Variants in NMNAT3 observed in about 807,000 individuals in gnomAD.
The protein encoded by NMNAT3 is nicotinamide nucleotide adenylyltransferase 3, also known as nicotinamide/nicotinic acid mononucleotide adenylyltransferase 3.
A neutral mutation model predicts 24.8 loss-of-function variants in NMNAT3; 21 were observed. The observed-to-expected ratio is 0.85, with a 90% CI of 0.60 to 1.22. NMNAT3 has a LOEUF of 1.22. Ranked by LOEUF, NMNAT3 falls within the 50% of genes most tolerant of loss-of-function variation. NMNAT3 has a pLI of 0.00. For synonymous variants in NMNAT3, 136 were observed against 155.2 expected (o/e 0.88, Z 0.92); for missense variants, 387 against 436.6 (o/e 0.89, Z 1.01).
At chr3:139,587,890 G>C (rs2054005243) in intron 3 of NMNAT3, among the ~76,000 whole-genome samples, 2 of 152,134 alleles carry the variant, frequency 1.3e-5, no homozygotes, top group African/African-American at 4.8e-5. Context: ...TTTTATAGAA[G>C]AAAATGGTGG....
intron 1 of NMNAT3, among the ~76,000 whole-genome samples, chr3:139,655,346 AAGCTG>A (rs2108403772): frequency 6.6e-6 from 1 of 152,340 alleles, no homozygotes; most frequent in South Asian, 2.1e-4. Context: ...TCCCCTGAAC[AAGCTG>A]AGCAGCTCTC....
chr3:139,667,702 C>G (rs1290191418), intron 1 of NMNAT3, among the ~76,000 whole-genome samples: 5 of 152,162 alleles, frequency 3.3e-5, no homozygotes, highest in African/African-American at 1.2e-4. Context: ...AGTTTTGTTT[C>G]AAGTTTCTAA....
intron 1 of NMNAT3, among the ~76,000 whole-genome samples, chr3:139,662,510 G>A (rs2057448407): frequency 6.6e-6 from 1 of 152,200 alleles, no homozygotes; most frequent in Non-Finnish European, 1.5e-5. Context: ...GGCCATGAGG[G>A]TAGGCAGTAG....
chr3:139,569,814 A>C (rs1037704649), intron 6 of NMNAT3: 3 of 152,034 alleles, frequency 2.0e-5, no homozygotes, highest in African/African-American at 4.8e-5. Flanking sequence ...TCTGACAATT[A>C]TGTGTCTTGG....
chr3:139,672,862 C>T (rs2057803240), intron 1 of NMNAT3: 1 of 152,224 alleles, frequency 6.6e-6, no homozygotes, highest in South Asian at 2.1e-4. Flanking sequence ...TCCCTGTTCT[C>T]AGTGGAAATG....
chr3:139,640,879 A>G (rs1301723492), intron 1 of NMNAT3, among the ~76,000 whole-genome samples: 1 of 152,252 alleles, frequency 6.6e-6, no homozygotes, highest in Non-Finnish European at 1.5e-5. Flanking sequence ...GCAGGGATCT[A>G]TGAAGTCAGA....
intron 1 of NMNAT3, 71 bp from the exon 2 acceptor site, chr3:139,638,133 T>C (rs994894214): frequency 2.6e-5 from 4 of 152,246 alleles, no homozygotes; most frequent in Non-Finnish European, 5.9e-5. Context: ...TCCCCATTAC[T>C]GCCTTCAAAA....
At chr3:139,588,906 C>G (rs527454983) in intron 3 of NMNAT3, among the ~76,000 whole-genome samples, 3 of 152,096 alleles carry the variant, frequency 2.0e-5, no homozygotes, top group African/African-American at 7.2e-5. Flanking sequence ...GACACCAACA[C>G]CTACACACAT....
chr3:139,630,899 C>T (rs2056268751), intron 2 of NMNAT3, among the ~76,000 whole-genome samples: 1 of 151,854 alleles, frequency 6.6e-6, no homozygotes, highest in African/African-American at 2.4e-5. Flanking sequence ...TTTTTTACAA[C>T]TGTTATGAAG....
chr3:139,597,398 A>C lies in NMNAT3; in HGVS notation c.110-14190T>G, dbSNP rs759436564. 3.3e-5 allele frequency among the ~76,000 whole-genome samples: 5 copies of C among 152,182 alleles called. No individual in the cohort carries two copies. In the East Asian group the frequency reaches 9.6e-4, roughly 29 times the overall value. ...AAGTTTCATAAAAATATATTGTCTTAGTAATGTGGTATATTAATAGATATC... is the reference window on the plus strand; with the variant it reads ...AAGTTTCATAAAAATATATTGTCTTCGTAATGTGGTATATTAATAGATATC... On this transcript the variant is annotated intron_variant, in intron 3 of 6. Coordinates refer to ENST00000643695, the MANE Select transcript of NMNAT3 (RefSeq NM_001320510.2).
intron 1 of NMNAT3, among the ~76,000 whole-genome samples, chr3:139,663,215 G>C (rs1381066607): frequency 6.6e-6 from 1 of 152,168 alleles, no homozygotes; most frequent in Non-Finnish European, 1.5e-5. Context: ...GCCAGCAATG[G>C]GCAGTCCAGT....
chr3:139,661,171 G>A (rs1203929580), intron 1 of NMNAT3, among the ~76,000 whole-genome samples: 1 of 152,112 alleles, frequency 6.6e-6, no homozygotes, highest in Non-Finnish European at 1.5e-5. Flanking sequence ...TGACTATAAA[G>A]AGCTCAACAA....
chr3:139,648,654 A>G (rs914263811), intron 1 of NMNAT3, among the ~76,000 whole-genome samples: 6 of 152,226 alleles, frequency 3.9e-5, no homozygotes, highest in Admixed American at 1.3e-4. Context: ...TTAATTATTA[A>G]TAAACATGGC....
chr3:139,668,173 A>G (rs1221481804), intron 1 of NMNAT3, among the ~76,000 whole-genome samples: 1 of 152,096 alleles, frequency 6.6e-6, no homozygotes, highest in East Asian at 1.9e-4. Flanking sequence ...ATGAGGGAAG[A>G]GAGAAGAAAG....
chr3:139,677,299 G>T (rs1192078877), intron 1 of NMNAT3, among the ~76,000 whole-genome samples: 1 of 152,212 alleles, frequency 6.6e-6, no homozygotes, highest in African/African-American at 2.4e-5. Flanking sequence ...ACGGGGGAGG[G>T]CACCACATTT....
chr3:139,644,868 C>T (rs1364203274), intron 1 of NMNAT3, among the ~76,000 whole-genome samples: 2 of 152,030 alleles, frequency 1.3e-5, no homozygotes, highest in African/African-American at 4.8e-5. Context: ...GGCTTGTAAT[C>T]ACAGAATAGA....
intron 2 of NMNAT3, chr3:139,636,472 A>G (rs1162119247): frequency 1.3e-5 from 2 of 152,248 alleles, no homozygotes; most frequent in Non-Finnish European, 2.9e-5. Context: ...ACGCTGTCCT[A>G]TGTACTTCTC....
chr3:139,564,610 C>T (rs912175263), intron 6 of NMNAT3, among the ~76,000 whole-genome samples: 1 of 152,230 alleles, frequency 6.6e-6, no homozygotes, highest in African/African-American at 2.4e-5. Context: ...AGGAGGCCTG[C>T]AAATCATAGA....
intron 3 of NMNAT3, among the ~76,000 whole-genome samples, chr3:139,623,705 C>T (rs1041783006): frequency 1.3e-5 from 2 of 152,114 alleles, no homozygotes; most frequent in Non-Finnish European, 2.9e-5. Flanking sequence ...GCCTGAGCCT[C>T]CCAAGTAGCT....
Sources: gnomAD v4.1 joint callset for allele counts (sites outside exome capture counted in the v4.1 genomes callset) on GRCh38, gnomAD v4.1.1 for gene constraint, MANE v1.5 for transcripts, NCBI Gene and HGNC (gene_info 2026-07-23, HGNC 2026-07-21) for gene names.